GPR176: variants seen among roughly 807,000 people sequenced by gnomAD.
GPR176 encodes G protein-coupled receptor 176, also known as G-protein coupled receptor 176.
Under a neutral mutation model 35.4 loss-of-function variants are expected in GPR176, and 26 were observed. The ratio of observed to expected loss-of-function variants is 0.74; its 90% confidence interval spans 0.54 to 1.02. GPR176 has a LOEUF of 1.02. Ranked by LOEUF, GPR176 falls within the 50% of genes least tolerant of loss-of-function variation. GPR176 has a pLI of 0.00. For synonymous variants in GPR176, 278 were observed against 271.3 expected, an observed-to-expected ratio of 1.02 and a Z score of -0.24; for missense variants, 597 against 665.3, an observed-to-expected ratio of 0.90 and a Z score of 1.13.
chr15:39,893,666 C>A (rs2140861695), intron 1 of GPR176, among the ~76,000 whole-genome samples: 1 of 152,096 alleles, frequency 6.6e-6, no homozygotes, highest in South Asian at 2.1e-4. Context: ...CTCCTCACTT[C>A]CCAGTAGGGG....
intron 1 of GPR176, among the ~76,000 whole-genome samples, chr15:39,854,919 T>C (rs2140814818): frequency 6.6e-6 from 1 of 151,910 alleles, no homozygotes; most frequent in Non-Finnish European, 1.5e-5. Context: ...GGTGTGGTGG[T>C]GCACACCGGT....
intron 1 of GPR176, among the ~76,000 whole-genome samples, chr15:39,829,595 T>TA (rs66849915): frequency 4.6e-4 from 5 of 10,938 alleles, no homozygotes; most frequent in East Asian, 2.4e-3. Context: ...TTCTCTGTTA[T>TA]AAACACTTAT....
intron 1 of GPR176, among the ~76,000 whole-genome samples, chr15:39,907,432 C>G (rs1047386638): frequency 3.3e-5 from 5 of 152,214 alleles, no homozygotes; most frequent in East Asian, 1.9e-4. Flanking sequence ...CATTTCACCC[C>G]CAAAGGAGAG....
chr15:39,908,895 C>A (rs2033498887), intron 1 of GPR176, among the ~76,000 whole-genome samples: 1 of 152,152 alleles, frequency 6.6e-6, no homozygotes, highest in South Asian at 2.1e-4. Context: ...ATACTGGGAT[C>A]AGTAAAGCCT....
intron 1 of GPR176, among the ~76,000 whole-genome samples, chr15:39,808,068 AC>A (rs953848514): frequency 1.3e-5 from 2 of 152,038 alleles, no homozygotes; most frequent in African/African-American, 4.8e-5. Flanking sequence ...GTCTACTCTT[AC>A]CAGGTTTTAC....
At chr15:39,915,646 G>A (rs368703115) in intron 1 of GPR176, among the ~76,000 whole-genome samples, 30 of 152,218 alleles carry the variant, frequency 2.0e-4, no homozygotes, top group African/African-American at 4.8e-4. Context: ...AGGGTGAGGC[G>A]GATGGATCAT....
chr15:39,800,957 G>A lies in GPR176; in HGVS notation c.*175C>T, dbSNP rs369330752. 6.4e-5 allele frequency: 39 copies of A among 611,328 alleles called. No individual in the cohort carries two copies. In the African/African-American group the frequency reaches 6.5e-4, roughly 10 times the overall value. The allele number at this position is 611,328 out of a possible 1,614,324, so 37.9% of individuals were successfully genotyped here. On this transcript the variant is annotated 3_prime_UTR_variant, in exon 3 of 3. Transcript: ENST00000561100. The stretch of plus-strand genomic sequence containing the variant: ...TGGATACATATACTCCCTCAATAAA[G>A]AGGACACTGGATTTTATGTAGATTT...
In GPR176 at chr15:39,839,867, CAT is replaced by C. The variant is rs561355867; in HGVS notation, c.173-32611_173-32610del. ...AGAAGACATTTATGTGGCCAACAAA[CAT>C]ATGAAAAAAAGCTCACCATCACTGG... On this transcript the variant is annotated intron_variant, in intron 1 of 2. Coordinates refer to ENST00000561100, the MANE Select transcript of GPR176 (RefSeq NM_007223.3). Among the ~76,000 whole-genome samples the C allele has an allele frequency of 6.6e-3, 1,007 of 152,226 alleles. 6 individuals carry two copies. Among genetic ancestry groups the C allele is most frequent in the Non-Finnish European group, 0.01 (698 of 68,012 alleles).
intron 1 of GPR176, among the ~76,000 whole-genome samples, chr15:39,832,654 A>AAAACACACACACAC (rs1901165147): frequency 6.9e-6 from 1 of 145,126 alleles, no homozygotes. Flanking sequence ...TGATGAGCTA[A>AAAACACACACACAC]ACACACACAC....
intron 1 of GPR176, among the ~76,000 whole-genome samples, chr15:39,910,118 A>G (rs745654573): frequency 6.6e-6 from 1 of 152,208 alleles, no homozygotes; most frequent in Non-Finnish European, 1.5e-5. Flanking sequence ...TAAGAACAGA[A>G]AATGCTCCCT....
chr15:39,893,826 A>T, intron 1 of GPR176, among the ~76,000 whole-genome samples: 1 of 136,630 alleles, frequency 7.3e-6, no homozygotes, highest in African/African-American at 2.9e-5. Context: ...GGCCTGGCAG[A>T]GGGGCTCCTC....
At chr15:39,875,398 T>C (rs1393479549) in intron 1 of GPR176, among the ~76,000 whole-genome samples, 1 of 152,222 alleles carries the variant, frequency 6.6e-6, no homozygotes, top group Non-Finnish European at 1.5e-5. Flanking sequence ...AGATAAATAC[T>C]TGTCTTTGCA....
intron 1 of GPR176, among the ~76,000 whole-genome samples, chr15:39,823,408 T>C (rs527239042): frequency 1.3e-5 from 2 of 152,188 alleles, no homozygotes; most frequent in South Asian, 2.1e-4. Flanking sequence ...TTGCTCATGT[T>C]AGAAACATGG....
chr15:39,845,850 A>C (rs1419074271), intron 1 of GPR176, among the ~76,000 whole-genome samples: 2 of 152,188 alleles, frequency 1.3e-5, no homozygotes, highest in Non-Finnish European at 2.9e-5. Context: ...CTAGACCAGT[A>C]ACTGAAACAT....
intron 1 of GPR176, among the ~76,000 whole-genome samples, chr15:39,869,742 A>C (rs1284936788): frequency 6.6e-6 from 1 of 152,108 alleles, no homozygotes; most frequent in African/African-American, 2.4e-5. Flanking sequence ...CCTTTACCCC[A>C]ATCACATTTG....
chr15:39,838,599 A>AGAT (rs79561658), intron 1 of GPR176, among the ~76,000 whole-genome samples: 1,976 of 152,354 alleles, frequency 0.013, 20 homozygotes, highest in Middle Eastern at 0.031. Context: ...TTATCTCAAT[A>AGAT]GATGCAGAAA....
chr15:39,809,786 C>A (rs1187729529), intron 1 of GPR176, among the ~76,000 whole-genome samples: 1 of 152,124 alleles, frequency 6.6e-6, no homozygotes, highest in Non-Finnish European at 1.5e-5. Context: ...TACAAGTCTG[C>A]CCTCCCTGGG....
At chr15:39,899,045 T>A (rs1055021456) in intron 1 of GPR176, among the ~76,000 whole-genome samples, 1 of 152,140 alleles carries the variant, frequency 6.6e-6, no homozygotes, top group Admixed American at 6.5e-5. Flanking sequence ...AAACACCAAG[T>A]CTTCTAGTCC....
chr15:39,854,865 C>A (rs1024916671), intron 1 of GPR176, among the ~76,000 whole-genome samples: 9 of 151,858 alleles, frequency 5.9e-5, no homozygotes, highest in Admixed American at 1.3e-4. Context: ...AGTAAGACAT[C>A]CCCCCACCAC....
Sources: gnomAD v4.1 joint callset for allele counts (sites outside exome capture counted in the v4.1 genomes callset) on GRCh38, gnomAD v4.1.1 for gene constraint, MANE v1.5 for transcripts, NCBI Gene and HGNC (gene_info 2026-07-23, HGNC 2026-07-21) for gene names.